COLGALT2: variants seen among roughly 807,000 people sequenced by gnomAD.
COLGALT2 encodes the protein procollagen galactosyltransferase 2.
In COLGALT2, 49 loss-of-function variants were observed where a neutral mutation model predicts 73.4. The ratio of observed to expected loss-of-function variants is 0.67; its 90% CI spans 0.53 to 0.85. The LOEUF (loss-of-function observed/expected upper bound fraction) is 0.85, where lower values mean the gene tolerates loss of function less well. COLGALT2 is among the 40% of genes least tolerant of loss of function. The pLI is 0.00. For synonymous variants in COLGALT2, 295 were observed against 307.6 expected (o/e 0.96, Z 0.43); for missense variants, 722 against 790.2 (o/e 0.91, Z 1.03).
chr1:183,975,163 G>A lies in COLGALT2; in HGVS notation c.426C>T (p.Ala142=), dbSNP rs1387691233. The A allele has an allele frequency of 6.2e-7, 1 of 1,614,044 alleles. No homozygotes were observed. The highest frequency in any genetic ancestry group is 1.3e-5 in the African/African-American group (1 of 75,002). Residue 142 remains alanine (A), a synonymous_variant, in exon 3 of 12, where the codon GCC becomes GCT. Coordinates refer to ENST00000361927, the MANE Select transcript of COLGALT2 (RefSeq NM_015101.4). ...GPKHWPTSRF[A]HVMKLRQAAL... is the part of the protein sequence containing the mutation. ...CTGCCTGTCGTAGTTTCATCACATGGGCAAACCGGGAGGTTGGCCAGTGCT... is the reference window on the plus strand; with the variant it reads ...CTGCCTGTCGTAGTTTCATCACATGAGCAAACCGGGAGGTTGGCCAGTGCT...
At chr1:183,961,626 T>G (rs1670704692) in intron 6 of COLGALT2, among the ~76,000 whole-genome samples, 1 of 152,236 alleles carries the variant, frequency 6.6e-6, no homozygotes. Flanking sequence ...TGAAATCTGA[T>G]TCTCCCTTCA....
At chr1:184,015,567 T>G (rs1648971384) in intron 1 of COLGALT2, among the ~76,000 whole-genome samples, 1 of 152,264 alleles carries the variant, frequency 6.6e-6, no homozygotes, top group Admixed American at 6.5e-5. Flanking sequence ...TTTGCACATC[T>G]TCTAATTTGG....
At chr1:184,008,265 T>C (rs1477516339) in intron 1 of COLGALT2, among the ~76,000 whole-genome samples, 1 of 152,114 alleles carries the variant, frequency 6.6e-6, no homozygotes, top group East Asian at 1.9e-4. Context: ...AGATCGATAG[T>C]ATCAAAGAGA....
Position 183,972,256 on chromosome 1 carries a change from C to T in COLGALT2, c.627+1360G>A, listed in dbSNP as rs189867407. Among the ~76,000 whole-genome samples, 6 of 152,258 alleles carry T rather than the reference C, an allele frequency of 3.9e-5. No individual in the cohort carries two copies. In the East Asian group the frequency reaches 7.7e-4, roughly 20 times the overall value. On this transcript the variant is annotated intron_variant, in intron 4 of 11. Coordinates refer to ENST00000361927, the MANE Select transcript of COLGALT2 (RefSeq NM_015101.4). ...GAATAGATGGAACTATAGGTGTGCA[C>T]GACACCACAACTGGTTAATTTTTTG... is the stretch of plus-strand genomic sequence containing the variant.
chr1:183,945,556 T>G lies in COLGALT2; in HGVS notation c.1145A>C (p.Asn382Thr), dbSNP rs1227000124. The change falls in exon 9 of 12, where the codon AAC becomes ACC. Residue 382 changes from asparagine to threonine, a missense_variant. Transcript: ENST00000361927. ...IVEAVDGKAL[N>T]TSQLKALNIE... ...ATTCAGTGCCTTCAGCTGGCTTGTGTTGAGTGCCCTGCATCACATAAAACA... is the reference window on the plus strand; with the variant it reads ...ATTCAGTGCCTTCAGCTGGCTTGTGGTGAGTGCCCTGCATCACATAAAACA... 2.5e-6 allele frequency: 4 copies of G among 1,614,158 alleles called. No homozygotes were observed. The South Asian group carries it at 4.4e-5, about 18-fold the overall frequency.
chr1:183,940,861 G>A, intron 10 of COLGALT2, 74 bp from the exon 11 acceptor site: 1 of 1,261,918 alleles, frequency 7.9e-7, no homozygotes, highest in Admixed American at 1.7e-5. Flanking sequence ...CACAGCTTTG[G>A]TTTACATAGA....
chr1:183,993,673 C>G (rs1671691999), intron 1 of COLGALT2, among the ~76,000 whole-genome samples: 1 of 152,174 alleles, frequency 6.6e-6, no homozygotes, highest in South Asian at 2.1e-4. Context: ...TAGCTGCCAC[C>G]ATGTTCTTTT....
intron 4 of COLGALT2, among the ~76,000 whole-genome samples, chr1:183,972,507 C>A (rs1345281172): frequency 6.6e-6 from 1 of 151,950 alleles, no homozygotes; most frequent in Non-Finnish European, 1.5e-5. Context: ...AAAATATAAC[C>A]AGCCATGAGC....
intron 4 of COLGALT2, among the ~76,000 whole-genome samples, chr1:183,971,846 CAT>C (rs1671046727): frequency 6.6e-6 from 1 of 152,210 alleles, no homozygotes; most frequent in South Asian, 2.1e-4. Context: ...GGCAGTTTTA[CAT>C]GTTTTTAATA....
chr1:183,958,434 T>C (rs930925888), intron 6 of COLGALT2, among the ~76,000 whole-genome samples: 1 of 152,138 alleles, frequency 6.6e-6, no homozygotes. Context: ...AGATGTCAAA[T>C]TGGCACTTGA....
Position 183,945,052 on chromosome 1 carries a change from T to C in COLGALT2, c.1269+380A>G, listed in dbSNP as rs182218575. 2.0e-5 allele frequency among the ~76,000 whole-genome samples: 3 copies of C among 152,350 alleles called. No individual in the cohort carries two copies. The East Asian group carries it at 5.8e-4, about 29-fold the overall frequency. On this transcript the variant is annotated intron_variant, in intron 9 of 11. Coordinates refer to ENST00000361927, the MANE Select transcript of COLGALT2 (RefSeq NM_015101.4). ...GGTCAAGCTACTTAATAATTTCTTC[T>C]TCGGTAAAGGTGGTCTGTCCTTCCC...
At chr1:183,988,409 G>GT (rs1671543823) in intron 1 of COLGALT2, among the ~76,000 whole-genome samples, 1 of 152,088 alleles carries the variant, frequency 6.6e-6, no homozygotes, top group Non-Finnish European at 1.5e-5. Context: ...AAATTCAGTG[G>GT]TTTTTAGTTG....
chr1:183,994,724 G>T (rs1671727416), intron 1 of COLGALT2, among the ~76,000 whole-genome samples: 3 of 152,194 alleles, frequency 2.0e-5, no homozygotes, highest in Non-Finnish European at 4.4e-5. Context: ...CAAAGTGCTG[G>T]ATTACAGGTG....
intron 11 of COLGALT2, among the ~76,000 whole-genome samples, chr1:183,939,502 G>A (rs1437016413): frequency 1.3e-5 from 2 of 152,252 alleles, no homozygotes; most frequent in African/African-American, 2.4e-5. Flanking sequence ...TCCAACAGGT[G>A]TAAAGGAGAC....
chr1:183,993,811 T>G (rs1361757610), intron 1 of COLGALT2, among the ~76,000 whole-genome samples: 1 of 150,876 alleles, frequency 6.6e-6, no homozygotes, highest in Admixed American at 6.6e-5. Context: ...CTTATTTTCA[T>G]TCCCACATCC....
At chr1:184,002,112 G>A (rs939837103) in intron 1 of COLGALT2, among the ~76,000 whole-genome samples, 1 of 152,232 alleles carries the variant, frequency 6.6e-6, no homozygotes, top group African/African-American at 2.4e-5. Flanking sequence ...ACTAGTGGAA[G>A]TTTGGGTTGG....
intron 5 of COLGALT2, among the ~76,000 whole-genome samples, chr1:183,966,872 T>C (rs191015948): frequency 6.6e-6 from 1 of 152,328 alleles, no homozygotes; most frequent in Non-Finnish European, 1.5e-5. Context: ...GGATTGCTCC[T>C]CACTCATCAC....
At chr1:183,949,310 G>A (rs1267938412) in intron 8 of COLGALT2, among the ~76,000 whole-genome samples, 1 of 152,116 alleles carries the variant, frequency 6.6e-6, no homozygotes, top group Non-Finnish European at 1.5e-5. Flanking sequence ...TAACAAAATT[G>A]AAGGACTCAT....
intron 2 of COLGALT2, among the ~76,000 whole-genome samples, chr1:183,975,815 G>A (rs1671174694): frequency 6.6e-6 from 1 of 152,174 alleles, no homozygotes; most frequent in East Asian, 1.9e-4. Context: ...ATAGGCAAGT[G>A]GGTTGGAGCA....
Sources: gnomAD v4.1 joint callset for allele counts (sites outside exome capture counted in the v4.1 genomes callset) on GRCh38, gnomAD v4.1.1 for gene constraint, MANE v1.5 for transcripts, NCBI Gene and HGNC (gene_info 2026-07-23, HGNC 2026-07-21) for gene names.